The following SLCO6A1 variants were observed in gnomAD, a reference collection of about 807,000 sequenced individuals.
The protein encoded by SLCO6A1 is solute carrier organic anion transporter family member 6A1.
Under a neutral mutation model 72.7 loss-of-function variants are expected in SLCO6A1, and 65 were observed. That is an observed-to-expected ratio of 0.89 (90% CI 0.73 to 1.10). The LOEUF (loss-of-function observed/expected upper bound fraction) is 1.10. Ranked by LOEUF, SLCO6A1 falls within the 50% of genes least tolerant of loss-of-function variation. The probability of loss-of-function intolerance (pLI) is 0.00; values close to 1 mark genes in which losing one functional copy is unlikely to be tolerated. For synonymous variants in SLCO6A1, 314 were observed against 298.2 expected (o/e 1.05, Z -0.55); for missense variants, 874 against 872.6 (o/e 1.00, Z -0.02).
At chr5:102,498,357 A>T in intron 1 of SLCO6A1, 130 bp downstream of exon 1, 1 of 808,828 alleles carries the variant, frequency 1.2e-6, no homozygotes, top group Non-Finnish European at 1.9e-6. Flanking sequence ...GTCAGAAAGC[A>T]GCCTCAGGCT....
chr5:102,491,952 T>C (rs190262351), intron 1 of SLCO6A1, among the ~76,000 whole-genome samples: 212 of 152,336 alleles, frequency 1.4e-3, no homozygotes, highest in Non-Finnish European at 2.3e-3. Context: ...TGGGGAGGCC[T>C]CAGGGAGGCC....
intron 6 of SLCO6A1, among the ~76,000 whole-genome samples, chr5:102,450,883 A>G (rs1489249944): frequency 6.6e-6 from 1 of 152,228 alleles, no homozygotes; most frequent in Non-Finnish European, 1.5e-5. Flanking sequence ...GTGTGAGTAC[A>G]GCACTCAGAC....
chr5:102,459,028 T>C (rs1750885753), intron 5 of SLCO6A1, among the ~76,000 whole-genome samples: 1 of 152,176 alleles, frequency 6.6e-6, no homozygotes, highest in Non-Finnish European at 1.5e-5. Flanking sequence ...TAGATTTAAA[T>C]ATGCTTGTTT....
In SLCO6A1 at chr5:102,453,563, T is replaced by C. The variant is rs187057572; in HGVS notation, c.1131+4819A>G. The stretch of plus-strand genomic sequence containing the variant: ...AAAATTGGACACTTTAAATAATACG[T>C]TGTAGCTTTTCTGGATTCTGACTTC... On this transcript the variant is annotated intron_variant, in intron 6 of 13. Transcript: ENST00000506729. Among the ~76,000 whole-genome samples, 27 of 152,234 alleles carry C rather than the reference T, an allele frequency of 1.8e-4. 1 individual carries two copies. In the East Asian group the frequency reaches 5.2e-3, roughly 29 times the overall value.
At chr5:102,457,003 A>C (rs1750759213) in intron 6 of SLCO6A1, among the ~76,000 whole-genome samples, 1 of 152,256 alleles carries the variant, frequency 6.6e-6, no homozygotes, top group African/African-American at 2.4e-5. Flanking sequence ...CAATGGGGAA[A>C]GGATTCCCTA....
In SLCO6A1 at chr5:102,440,852, T is replaced by A. The variant is rs369063191; in HGVS notation, c.1132-2091A>T. ...TGCATTGGTAACAAGTATAAAGTAG[T>A]ACCACAATGCTTTGTTTCCTATTTC... On this transcript the variant is annotated intron_variant, in intron 6 of 13. Transcript: ENST00000506729. Among the ~76,000 whole-genome samples the A allele has an allele frequency of 2.0e-5, 3 of 152,250 alleles. No homozygotes were observed. In the South Asian group the frequency reaches 6.2e-4, roughly 32 times the overall value.
intron 7 of SLCO6A1, among the ~76,000 whole-genome samples, chr5:102,437,498 T>C (rs1749605335): frequency 6.6e-6 from 1 of 152,116 alleles, no homozygotes; most frequent in African/African-American, 2.4e-5. Flanking sequence ...CTTAATTAAA[T>C]ATAATAAGAA....
At chr5:102,446,276 G>A (rs1429276915) in intron 6 of SLCO6A1, among the ~76,000 whole-genome samples, 2 of 151,970 alleles carry the variant, frequency 1.3e-5, no homozygotes, top group South Asian at 4.2e-4. Flanking sequence ...CTCCTTGTAC[G>A]GATCTTTGAA....
At chr5:102,375,035 A>G (rs1200875383) in intron 12 of SLCO6A1, among the ~76,000 whole-genome samples, 1 of 152,118 alleles carries the variant, frequency 6.6e-6, no homozygotes, top group Non-Finnish European at 1.5e-5. Flanking sequence ...GTTATTTTCT[A>G]TATTGGATGG....
At chr5:102,431,875 T>C (rs931925350) in intron 7 of SLCO6A1, among the ~76,000 whole-genome samples, 7 of 152,204 alleles carry the variant, frequency 4.6e-5, no homozygotes, top group Non-Finnish European at 1.0e-4. Flanking sequence ...CTAAGGCTCT[T>C]TGAAGGTCTC....
intron 9 of SLCO6A1, among the ~76,000 whole-genome samples, chr5:102,411,249 A>ATG (rs71226935): frequency 0.019 from 2,847 of 149,918 alleles, 32 homozygotes; most frequent in African/African-American, 0.027. Flanking sequence ...TTGTGTGTGT[A>ATG]TGTGTGTGTG....
chr5:102,439,109 C>T (rs1749704609), intron 6 of SLCO6A1, among the ~76,000 whole-genome samples: 1 of 151,748 alleles, frequency 6.6e-6, no homozygotes, highest in South Asian at 2.1e-4. Context: ...AGAATTTCTC[C>T]TTACTTTTGC....
intron 12 of SLCO6A1, among the ~76,000 whole-genome samples, chr5:102,385,265 T>C (rs1746351182): frequency 6.6e-6 from 1 of 152,168 alleles, no homozygotes; most frequent in Admixed American, 6.6e-5. Flanking sequence ...AATTTGATTG[T>C]AGTGTTTTCA....
intron 12 of SLCO6A1, among the ~76,000 whole-genome samples, chr5:102,376,068 T>C (rs143513922): frequency 1.3e-5 from 2 of 152,178 alleles, no homozygotes; most frequent in African/African-American, 4.8e-5. Flanking sequence ...AAAGACATAT[T>C]ACATGTTGGA....
intron 6 of SLCO6A1, among the ~76,000 whole-genome samples, chr5:102,451,814 T>C (rs1750433644): frequency 6.6e-6 from 1 of 152,220 alleles, no homozygotes; most frequent in Non-Finnish European, 1.5e-5. Context: ...TAGTGTTTAC[T>C]TGCCACTCTG....
chr5:102,457,412 A>G (rs1213058381), intron 6 of SLCO6A1, among the ~76,000 whole-genome samples: 1 of 152,066 alleles, frequency 6.6e-6, no homozygotes, highest in Non-Finnish European at 1.5e-5. Flanking sequence ...ACAAGAAAAA[A>G]AAAACAACCC....
intron 7 of SLCO6A1, among the ~76,000 whole-genome samples, chr5:102,421,289 A>T (rs895967641): frequency 1.4e-4 from 22 of 152,136 alleles, no homozygotes; most frequent in African/African-American, 5.3e-4. Flanking sequence ...ACTCCCCTGG[A>T]AACGGAGCCG....
chr5:102,467,230 T>C (rs779065269), intron 4 of SLCO6A1, among the ~76,000 whole-genome samples: 7 of 152,052 alleles, frequency 4.6e-5, no homozygotes, highest in Non-Finnish European at 1.0e-4. Context: ...GAAGTTCTGA[T>C]TTCTTTGTAA....
At chr5:102,460,474 T>G (rs1750966984) in intron 4 of SLCO6A1, among the ~76,000 whole-genome samples, 2 of 152,162 alleles carry the variant, frequency 1.3e-5, no homozygotes, top group Admixed American at 1.3e-4. Flanking sequence ...CTCATAATTA[T>G]TTTGCAGTTT....
Sources: gnomAD v4.1 joint callset for allele counts (sites outside exome capture counted in the v4.1 genomes callset) on GRCh38, gnomAD v4.1.1 for gene constraint, MANE v1.5 for transcripts, NCBI Gene and HGNC (gene_info 2026-07-23, HGNC 2026-07-21) for gene names.